Variants in CCDC171 observed in about 807,000 individuals in gnomAD.
CCDC171 encodes the protein coiled-coil domain containing 171, also known as coiled-coil domain-containing protein 171.
CCDC171 carries 177 observed loss-of-function variants against 168.2 expected under a neutral mutation model. That is an observed-to-expected ratio of 1.05 (90% confidence interval 0.93 to 1.19). The LOEUF (loss-of-function observed/expected upper bound fraction) is 1.19, where lower values mean the gene tolerates loss of function less well. Ranked by LOEUF, CCDC171 falls within the 50% of genes most tolerant of loss-of-function variation. The pLI, the probability that CCDC171 is intolerant of heterozygous loss-of-function variation, is 0.00. For synonymous variants in CCDC171, 687 were observed against 540.8 expected, an observed-to-expected ratio of 1.27 and a Z score of -3.75; for missense variants, 1,991 against 1,539.0, an observed-to-expected ratio of 1.29 and a Z score of -4.91.
rs546588406 is a variant in CCDC171, at chr9:15,904,102, T to G, written c.3601-16168T>G. Among the ~76,000 whole-genome samples, 18 of 152,220 alleles carry G rather than the reference T, an allele frequency of 1.2e-4. No individual in the cohort carries two copies. In the South Asian group the frequency reaches 2.7e-3, roughly 23 times the overall value. ...ATGGAACCAAGTTGGAAAACACTCTTCAGGATATTATACAGGAGAACCTCC... is the reference window on the plus strand; with the variant it reads ...ATGGAACCAAGTTGGAAAACACTCTGCAGGATATTATACAGGAGAACCTCC... On this transcript the variant is annotated intron_variant, in intron 24 of 25. Transcript: ENST00000380701.
chr9:15,740,040 C>G (rs2054755277), intron 16 of CCDC171, among the ~76,000 whole-genome samples: 1 of 151,836 alleles, frequency 6.6e-6, no homozygotes. Context: ...CCTGGCCCTC[C>G]AATGTGTTTT....
At chr9:15,859,857 C>T (rs2061489551) in intron 23 of CCDC171, among the ~76,000 whole-genome samples, 1 of 151,678 alleles carries the variant, frequency 6.6e-6, no homozygotes, top group African/African-American at 2.4e-5. Context: ...TTTGAAGAGA[C>T]AGCATCTCAC....
At chr9:15,940,045 C>T (rs554763547) in intron 25 of CCDC171, among the ~76,000 whole-genome samples, 5 of 151,928 alleles carry the variant, frequency 3.3e-5, no homozygotes, top group East Asian at 1.9e-4. Flanking sequence ...TTACTCAATG[C>T]GTACACTCTT....
intron 1 of CCDC171, among the ~76,000 whole-genome samples, chr9:16,054,050 C>T (rs10962266): frequency 0.095 from 14,449 of 152,284 alleles, 956 homozygotes; most frequent in Non-Finnish European, 0.15. Flanking sequence ...CCTTCTGAAA[C>T]CATCTTTCCT....
intron 25 of CCDC171, among the ~76,000 whole-genome samples, chr9:15,953,115 A>G (rs1301287101): frequency 6.6e-6 from 1 of 152,168 alleles, no homozygotes; most frequent in Non-Finnish European, 1.5e-5. Flanking sequence ...GTAAGAGCAT[A>G]TCATCTGCAA....
At chr9:15,640,606 G>A (rs964625573) in intron 7 of CCDC171, among the ~76,000 whole-genome samples, 2 of 152,022 alleles carry the variant, frequency 1.3e-5, no homozygotes, top group Non-Finnish European at 2.9e-5. Flanking sequence ...ATGTAGAAGT[G>A]ACATTAGAAA....
intron 16 of CCDC171, among the ~76,000 whole-genome samples, chr9:15,737,946 T>C (rs1323439964): frequency 6.6e-6 from 1 of 152,226 alleles, no homozygotes; most frequent in Non-Finnish European, 1.5e-5. Flanking sequence ...AAAGTGTCCT[T>C]ATTTTTTAAC....
At chr9:15,958,114 C>CCATT (rs34099313) in intron 25 of CCDC171, among the ~76,000 whole-genome samples, 8,392 of 150,754 alleles carry the variant, frequency 0.056, 281 homozygotes, top group Non-Finnish European at 0.072. Context: ...ACTCACTCAT[C>CCATT]CATTCATTCA....
intron 4 of CCDC171, among the ~76,000 whole-genome samples, chr9:15,582,929 TA>T (rs556128674): frequency 0.058 from 7,579 of 131,566 alleles, 319 homozygotes; most frequent in South Asian, 0.14. Context: ...CTTAAAGTAT[TA>T]AAAAAAAAAA....
At position 15,859,952 on chromosome 9, in the gene CCDC171, C is replaced by T. The variant is rs1012631470; in HGVS notation, c.3468+11005C>T. On this transcript the variant is annotated intron_variant, in intron 23 of 25. Coordinates refer to ENST00000380701, the MANE Select transcript of CCDC171 (RefSeq NM_173550.4). The stretch of plus-strand genomic sequence containing the variant: ...GAAGTGCTGGGATTATAGGTATAAG[C>T]CACCACACCCAGCCTCTGTTCAAGA... Among the ~76,000 whole-genome samples, 112 of 151,964 alleles carry T rather than the reference C, an allele frequency of 7.4e-4. 1 individual carries two copies. Among genetic ancestry groups the T allele is most frequent in the African/African-American group, 2.5e-3 (103 of 41,490 alleles).
At chr9:15,598,260 T>G (rs1486885856) in intron 6 of CCDC171, among the ~76,000 whole-genome samples, 1 of 152,186 alleles carries the variant, frequency 6.6e-6, no homozygotes, top group Admixed American at 6.6e-5. Context: ...ATTTTAGATC[T>G]TTCCTGCTTT....
At chr9:16,012,513 C>G (rs1832895874) in intron 3 of CCDC171, among the ~76,000 whole-genome samples, 1 of 151,098 alleles carries the variant, frequency 6.6e-6, no homozygotes, top group Admixed American at 6.6e-5. Flanking sequence ...GGGATATTTA[C>G]TTGACTTTAA....
At chr9:15,919,909 A>T (rs960529236) in intron 24 of CCDC171, among the ~76,000 whole-genome samples, 8 of 151,644 alleles carry the variant, frequency 5.3e-5, no homozygotes, top group Non-Finnish European at 1.2e-4. Flanking sequence ...TTGTATACCC[A>T]TTAAGATTGC....
chr9:15,969,226 C>T (rs1276446011), intron 25 of CCDC171, among the ~76,000 whole-genome samples: 1 of 152,050 alleles, frequency 6.6e-6, no homozygotes, highest in Non-Finnish European at 1.5e-5. Flanking sequence ...GGAAAGTAGA[C>T]ATATTAGAAA....
intron 24 of CCDC171, among the ~76,000 whole-genome samples, chr9:15,890,322 G>C (rs868666993): frequency 1.3e-5 from 2 of 152,158 alleles, no homozygotes; most frequent in Admixed American, 1.3e-4. Context: ...TGGGTGATTA[G>C]GAGAGGCTTC....
At chr9:15,707,408 A>T (rs10810433) in intron 11 of CCDC171, among the ~76,000 whole-genome samples, 72,335 of 152,006 alleles carry the variant, frequency 0.48, 17,688 homozygotes, top group East Asian at 0.78. Flanking sequence ...AACAATAGAA[A>T]CTCATTTCTA....
At chr9:16,066,420 C>T (rs911438482), downstream of CCDC171, among the ~76,000 whole-genome samples, 1 of 151,706 alleles carries the variant, frequency 6.6e-6, no homozygotes, top group Non-Finnish European at 1.5e-5. Context: ...CACCTATAAC[C>T]GTGAAGTCAC....
intron 23 of CCDC171, among the ~76,000 whole-genome samples, chr9:15,870,663 G>GT (rs892241388): frequency 2.8e-3 from 422 of 149,028 alleles, no homozygotes; most frequent in Middle Eastern, 6.8e-3. Flanking sequence ...ATGAGTGTGT[G>GT]TTTTTTTTTT....
At chr9:16,021,747 A>G (rs574861920) in intron 4 of CCDC171, among the ~76,000 whole-genome samples, 1 of 152,350 alleles carries the variant, frequency 6.6e-6, no homozygotes, top group South Asian at 2.1e-4. Context: ...TAATGAAATA[A>G]TGTGAGCAAA....
Sources: gnomAD v4.1 joint callset for allele counts (sites outside exome capture counted in the v4.1 genomes callset) on GRCh38, gnomAD v4.1.1 for gene constraint, MANE v1.5 for transcripts, NCBI Gene and HGNC (gene_info 2026-07-23, HGNC 2026-07-21) for gene names.